Variants in CNST observed in about 807,000 individuals in gnomAD.
CNST encodes consortin.
CNST carries 39 observed loss-of-function variants against 72.4 expected under a neutral mutation model. That is an observed-to-expected ratio of 0.54 (90% CI 0.42 to 0.70). CNST has a LOEUF of 0.70. Ranked by LOEUF, CNST falls within the 30% of genes least tolerant of loss-of-function variation. The pLI, the probability that CNST is intolerant of heterozygous loss-of-function variation, is 0.00. For missense variants in CNST, 871 were observed against 868.5 expected, an observed-to-expected ratio of 1.00 and a Z score of -0.04; for synonymous variants, 332 against 320.1, an observed-to-expected ratio of 1.04 and a Z score of -0.40.
At chr1:246,624,683 ATATTT>A (rs1294042002) in intron 3 of CNST, among the ~76,000 whole-genome samples, 2 of 152,216 alleles carry the variant, frequency 1.3e-5, no homozygotes, top group African/African-American at 4.8e-5. Flanking sequence ...GGATGGAGAT[ATATTT>A]TATTCATTTT....
At chr1:246,623,782 G>C (rs1481566726) in intron 3 of CNST, among the ~76,000 whole-genome samples, 1 of 149,988 alleles carries the variant, frequency 6.7e-6, no homozygotes, top group Non-Finnish European at 1.5e-5. Context: ...GGAAAATAGG[G>C]CCAGGCGCGG....
chr1:246,658,781 C>T (rs546288346), intron 9 of CNST, among the ~76,000 whole-genome samples: 1 of 152,288 alleles, frequency 6.6e-6, no homozygotes, highest in African/African-American at 2.4e-5. Context: ...CGGTGTTAGG[C>T]CCACAGTGCC....
At chr1:246,587,219 C>T (rs1322092616) in intron 1 of CNST, among the ~76,000 whole-genome samples, 1 of 152,052 alleles carries the variant, frequency 6.6e-6, no homozygotes, top group Non-Finnish European at 1.5e-5. Context: ...TCACCTCAGC[C>T]TCTTGAGTAG....
intron 8 of CNST, among the ~76,000 whole-genome samples, chr1:246,645,164 C>T (rs1235157316): frequency 6.6e-6 from 1 of 152,132 alleles, no homozygotes; most frequent in Non-Finnish European, 1.5e-5. Context: ...GTGGCAGCCT[C>T]AGCACCAGAT....
At chr1:246,629,400 T>TG (rs1664637037) in intron 3 of CNST, among the ~76,000 whole-genome samples, 1 of 1,440 alleles carries the variant, frequency 6.9e-4, no homozygotes, top group Non-Finnish European at 1.3e-3. Context: ...TACCTGGAAA[T>TG]TTTACTTTTG....
intron 5 of CNST, 69 bp from the exon 6 acceptor site, chr1:246,634,403 TG>T (rs1664995810): frequency 1.2e-6 from 1 of 828,952 alleles, no homozygotes; most frequent in African/African-American, 1.8e-5. Flanking sequence ...GCTAGTTAAC[TG>T]TTTGTTTGTT....
chr1:246,582,333 A>T (rs1558530760), intron 1 of CNST, among the ~76,000 whole-genome samples: 1 of 150,606 alleles, frequency 6.6e-6, no homozygotes, highest in African/African-American at 2.4e-5. Context: ...TCAGTCCTGC[A>T]AACTGTGAAC....
intron 4 of CNST, among the ~76,000 whole-genome samples, chr1:246,633,416 T>C (rs1357301777): frequency 6.7e-6 from 1 of 148,644 alleles, no homozygotes; most frequent in African/African-American, 2.5e-5. Context: ...ACCACTGCAC[T>C]CCAGCCTCGG....
chr1:246,604,139 G>C (rs993380774), intron 2 of CNST, among the ~76,000 whole-genome samples: 2 of 152,086 alleles, frequency 1.3e-5, no homozygotes, highest in Non-Finnish European at 2.9e-5. Context: ...CACCCTGCCC[G>C]GCTACTGGAG....
At chr1:246,602,484 C>T (rs546327038) in intron 2 of CNST, among the ~76,000 whole-genome samples, 1 of 152,304 alleles carries the variant, frequency 6.6e-6, no homozygotes, top group East Asian at 1.9e-4. Context: ...ATGGCCCACT[C>T]CACAGGGCTG....
intron 1 of CNST, among the ~76,000 whole-genome samples, chr1:246,567,771 C>T (rs976506546): frequency 2.6e-5 from 4 of 152,054 alleles, no homozygotes; most frequent in Non-Finnish European, 4.4e-5. Flanking sequence ...ATTCTTTTTT[C>T]GTACAGTTTT....
chr1:246,571,616 A>C (rs1394277189), intron 1 of CNST, among the ~76,000 whole-genome samples: 2 of 152,236 alleles, frequency 1.3e-5, no homozygotes, highest in East Asian at 3.8e-4. Flanking sequence ...ATACTGACAA[A>C]TCAAGATGAT....
At chr1:246,659,963 C>T (rs1266534167) in intron 9 of CNST, among the ~76,000 whole-genome samples, 1 of 152,158 alleles carries the variant, frequency 6.6e-6, no homozygotes, top group Non-Finnish European at 1.5e-5. Context: ...TGCCTGTCCC[C>T]GGAGTGAGTT....
At chr1:246,601,442 C>T (rs1662283636) in intron 2 of CNST, among the ~76,000 whole-genome samples, 1 of 152,124 alleles carries the variant, frequency 6.6e-6, no homozygotes, top group Non-Finnish European at 1.5e-5. Context: ...AAGGACAAAG[C>T]AGATCTTGTG....
chr1:246,601,334 AAT>A (rs1662277265), intron 2 of CNST, among the ~76,000 whole-genome samples: 1 of 152,006 alleles, frequency 6.6e-6, no homozygotes, highest in African/African-American at 2.4e-5. Flanking sequence ...AATACAAAAC[AAT>A]GAGGTTCTGT....
intron 7 of CNST, 52 bp downstream of exon 7, chr1:246,641,822 A>G (rs767340390): frequency 3.2e-6 from 4 of 1,258,956 alleles, no homozygotes; most frequent in Non-Finnish European, 4.6e-6. Context: ...TTTGTGTCAT[A>G]TGTCTGTTGT....
At position 246,621,599 on chromosome 1, in the gene CNST, T is replaced by C. The variant is rs759003395; in HGVS notation, c.550T>C (p.Leu184=). ...FSLIRGEVEQ[L]DSRALPLCLH... ...ACTTATACGAGGTGAAGTTGAGCAG[T>C]TGGATTCAAGAGCACTTCCCCTTTG... Residue 184 remains leucine, a synonymous_variant, in exon 3 of 11, where the codon TTG becomes CTG. Transcript: ENST00000366513. 5 of 1,614,144 alleles carry C rather than the reference T, an allele frequency of 3.1e-6. No homozygotes were observed. The highest frequency in any genetic ancestry group is 2.2e-5 in the South Asian group (2 of 91,080).
At chr1:246,613,876 G>T (rs1663510492) in intron 2 of CNST, among the ~76,000 whole-genome samples, 1 of 150,110 alleles carries the variant, frequency 6.7e-6, no homozygotes, top group South Asian at 2.1e-4. Flanking sequence ...TGTATTTTTA[G>T]TATAGATAGG....
At chr1:246,619,922 G>C (rs112063137) in intron 2 of CNST, among the ~76,000 whole-genome samples, 1 of 139,876 alleles carries the variant, frequency 7.1e-6, no homozygotes, top group African/African-American at 2.7e-5. Context: ...TACACACGAT[G>C]GGCTCTGGGA....
Sources: allele counts gnomAD v4.1 joint callset (sites outside exome capture counted in the v4.1 genomes callset), GRCh38; gene constraint gnomAD v4.1.1; transcripts MANE v1.5; gene names NCBI Gene and HGNC (gene_info 2026-07-23, HGNC 2026-07-21).